Variants in FCHSD2 observed in about 807,000 individuals in gnomAD.
FCHSD2 encodes F-BAR and double SH3 domains protein 2.
A neutral mutation model predicts 108.1 loss-of-function variants in FCHSD2; 38 were observed. The observed-to-expected ratio is 0.35, with a 90% CI of 0.27 to 0.46. FCHSD2 has a LOEUF of 0.46. Among genes scored for constraint, FCHSD2 ranks in the 20% least tolerant of loss-of-function variants. FCHSD2 has a pLI of 1.00. For missense variants in FCHSD2, 751 were observed against 897.8 expected (o/e 0.84, Z 2.09); for synonymous variants, 279 against 314.7 (o/e 0.89, Z 1.20).
chr11:72,920,309 C>T (rs762125366), intron 9 of FCHSD2, among the ~76,000 whole-genome samples: 15 of 152,024 alleles, frequency 9.9e-5, no homozygotes, highest in Non-Finnish European at 1.8e-4. Context: ...TTTATGACAT[C>T]AAATCTGATA....
chr11:72,961,237 T>C (rs924604529), intron 8 of FCHSD2, among the ~76,000 whole-genome samples: 1 of 152,188 alleles, frequency 6.6e-6, no homozygotes, highest in Admixed American at 6.5e-5. Context: ...TTAGTACTTT[T>C]TGTTTGTTTT....
chr11:72,976,622 T>C (rs1159151019), intron 8 of FCHSD2, among the ~76,000 whole-genome samples: 1 of 152,070 alleles, frequency 6.6e-6, no homozygotes, highest in African/African-American at 2.4e-5. Context: ...AAAAGAAAAC[T>C]GGAGGAATCA....
At chr11:73,137,045 C>A (rs1040915379) in intron 2 of FCHSD2, among the ~76,000 whole-genome samples, 1 of 151,996 alleles carries the variant, frequency 6.6e-6, no homozygotes, top group Non-Finnish European at 1.5e-5. Flanking sequence ...AACAAAAAAA[C>A]ATCCAAGTTC....
At chr11:72,921,139 C>A (rs1855969481) in intron 9 of FCHSD2, among the ~76,000 whole-genome samples, 1 of 152,092 alleles carries the variant, frequency 6.6e-6, no homozygotes, top group African/African-American at 2.4e-5. Context: ...TTAAAAAATG[C>A]ATTCCTTTAG....
At chr11:73,079,407 T>A (rs1455478464) in intron 3 of FCHSD2, among the ~76,000 whole-genome samples, 7 of 151,828 alleles carry the variant, frequency 4.6e-5, no homozygotes, top group Admixed American at 1.3e-4. Context: ...ACCATGTTGG[T>A]CAGGCTGGTC....
At chr11:72,867,425 C>T (rs1381671878) in intron 13 of FCHSD2, among the ~76,000 whole-genome samples, 2 of 152,178 alleles carry the variant, frequency 1.3e-5, no homozygotes, top group Non-Finnish European at 2.9e-5. Context: ...GAATTGAAGT[C>T]ACCTTCAGAC....
chr11:72,841,344 A>C, intron 18 of FCHSD2, 110 bp downstream of exon 18: 3 of 425,526 alleles, frequency 7.1e-6, no homozygotes. Flanking sequence ...TGTCTCCAAA[A>C]AAAAAAAAAA....
intron 12 of FCHSD2, among the ~76,000 whole-genome samples, chr11:72,869,834 T>C (rs1348696631): frequency 6.6e-6 from 1 of 152,208 alleles, no homozygotes; most frequent in African/African-American, 2.4e-5. Flanking sequence ...TTCTCCTCTG[T>C]AATCCATCTT....
chr11:73,103,975 A>G (rs1860281706), intron 2 of FCHSD2, among the ~76,000 whole-genome samples: 1 of 152,238 alleles, frequency 6.6e-6, no homozygotes, highest in Admixed American at 6.5e-5. Flanking sequence ...CCTAATAAAT[A>G]TGCCTGGTGC....
chr11:73,088,692 T>G (rs74704910), intron 2 of FCHSD2, among the ~76,000 whole-genome samples: 6,800 of 152,238 alleles, frequency 0.045, 216 homozygotes, highest in Non-Finnish European at 0.067. Flanking sequence ...ACTAAGAAAT[T>G]ATTATGACCA....
chr11:72,961,549 C>A (rs1408408822), intron 8 of FCHSD2, among the ~76,000 whole-genome samples: 1 of 152,110 alleles, frequency 6.6e-6, no homozygotes. Context: ...AGCCACCATA[C>A]CTGGCCTACT....
chr11:73,015,999 G>C (rs1857963436), intron 3 of FCHSD2, 114 bp from the exon 4 acceptor site: 2 of 649,318 alleles, frequency 3.1e-6, no homozygotes, highest in African/African-American at 1.9e-5. Flanking sequence ...ATTTAATTCA[G>C]AAGTGAAAAA....
intron 10 of FCHSD2, among the ~76,000 whole-genome samples, chr11:72,895,939 C>T (rs1357515729): frequency 6.6e-6 from 1 of 152,108 alleles, no homozygotes; most frequent in Non-Finnish European, 1.5e-5. Flanking sequence ...CAGAAAGAGC[C>T]ACCCATAACA....
intron 8 of FCHSD2, among the ~76,000 whole-genome samples, chr11:72,928,779 T>A (rs1007594047): frequency 5.3e-5 from 8 of 152,138 alleles, no homozygotes; most frequent in Non-Finnish European, 8.8e-5. Context: ...CGTGCAGGTT[T>A]GTTACATATG....
At chr11:72,962,344 T>C (rs1856832268) in intron 8 of FCHSD2, among the ~76,000 whole-genome samples, 1 of 152,190 alleles carries the variant, frequency 6.6e-6, no homozygotes, top group Non-Finnish European at 1.5e-5. Flanking sequence ...TGTCTCTAAA[T>C]TTTCTCAGTT....
chr11:72,841,471 C>A lies in FCHSD2; in HGVS notation c.2039G>T (p.Arg680Leu), dbSNP rs555444484. Residue 680 changes from arginine (R) to leucine (L), a missense_variant, in exon 18 of 20, where the codon CGG (arginine) becomes CTG (leucine). Transcript: ENST00000409418. Reference protein sequence around the residue: ...PDKRSSLYFPRSPSANEKSLH... With the variant: ...PDKRSSLYFPLSPSANEKSLH... ...ACCCTTACCGTTTGCTGAAGGAGAC[C>A]GGGGAAAGTACAGGGAGCTCCTCTT... The A allele has an allele frequency of 8.1e-6, 13 of 1,610,516 alleles. No homozygotes were observed. In the East Asian group the frequency reaches 2.9e-4, roughly 36 times the overall value.
rs534138795 is a variant in FCHSD2 at position 72,853,488 on chromosome 11, C to T, written c.1309-3599G>A. Among the ~76,000 whole-genome samples the T allele has an allele frequency of 5.3e-5, 8 of 152,160 alleles. No homozygotes were observed. In the East Asian group the frequency reaches 1.5e-3, roughly 29 times the overall value. Reference sequence around the variant, plus strand: ...GGAGTGTAGTGGCGCAATCTTGACTCACTGCAACCTCCGCCTGCCAGGTTC... The same window carrying T: ...GGAGTGTAGTGGCGCAATCTTGACTTACTGCAACCTCCGCCTGCCAGGTTC... On this transcript the variant is annotated intron_variant, in intron 13 of 19. Coordinates refer to ENST00000409418, the MANE Select transcript of FCHSD2 (RefSeq NM_014824.3).
chr11:73,052,551 T>G (rs1858925409), intron 3 of FCHSD2, among the ~76,000 whole-genome samples: 1 of 152,210 alleles, frequency 6.6e-6, no homozygotes, highest in Non-Finnish European at 1.5e-5. Context: ...TGTACACTAC[T>G]GTTACTACAT....
chr11:73,139,071 CA>C (rs1861186966), intron 2 of FCHSD2, among the ~76,000 whole-genome samples: 1 of 152,140 alleles, frequency 6.6e-6, no homozygotes, highest in South Asian at 2.1e-4. Flanking sequence ...ACCCTGAAGA[CA>C]GGTATACAGC....
Sources: gnomAD v4.1 joint callset for allele counts (sites outside exome capture counted in the v4.1 genomes callset) on GRCh38, gnomAD v4.1.1 for gene constraint, MANE v1.5 for transcripts, NCBI Gene and HGNC (gene_info 2026-07-23, HGNC 2026-07-21) for gene names.